Variants in ACCSL observed in about 807,000 individuals in gnomAD.
ACCSL encodes probable inactive 1-aminocyclopropane-1-carboxylate synthase-like protein 2.
Under a neutral mutation model 61.7 loss-of-function variants are expected in ACCSL, and 55 were observed. The observed-to-expected ratio is 0.89, with a 90% CI of 0.72 to 1.12. ACCSL has a LOEUF of 1.12. Ranked by LOEUF, ACCSL falls within the 50% of genes most tolerant of loss-of-function variation. The pLI is 0.00. For synonymous variants in ACCSL, 258 were observed against 264.3 expected, an observed-to-expected ratio of 0.98 and a Z score of 0.23; for missense variants, 632 against 698.0, an observed-to-expected ratio of 0.91 and a Z score of 1.07.
chr11:44,011,440 A>T, the ACCSL span, among the ~76,000 whole-genome samples: 1 of 152,234 alleles, frequency 6.6e-6, no homozygotes, highest in Admixed American at 6.5e-5. Flanking sequence ...CCCTGCACTT[A>T]GCACAAAGCA....
chr11:44,002,179 TGGCCCCAGACCACCG>T, the ACCSL span, among the ~76,000 whole-genome samples: 1 of 152,120 alleles, frequency 6.6e-6, no homozygotes, highest in East Asian at 1.9e-4. Context: ...CTGTGTTACG[TGGCCCCAGACCACCG>T]GAAAGGGCCA....
At chr11:43,981,089 G>A in the ACCSL span, among the ~76,000 whole-genome samples, 281 of 133,980 alleles carry the variant, frequency 2.1e-3, 2 homozygotes, top group African/African-American at 7.4e-3. Context: ...AAACAAGATG[G>A]GGCAGGAAAA....
At chr11:44,042,496 T>G in the ACCSL span, among the ~76,000 whole-genome samples, 1 of 151,866 alleles carries the variant, frequency 6.6e-6, no homozygotes, top group Non-Finnish European at 1.5e-5. Flanking sequence ...TTATTTTTAT[T>G]TTTTTTTGTA....
At position 44,055,953 on chromosome 11, in the gene ACCSL, C is replaced by G. The variant is rs1377032753; in HGVS notation, c.1140-87C>G. The G allele has an allele frequency of 2.6e-6, 4 of 1,516,744 alleles. No individual in the cohort carries two copies. In the African/African-American group the frequency reaches 4.1e-5, roughly 16 times the overall value. The allele number at this position is 1,516,744 out of a possible 1,614,324, so 94.0% of individuals were successfully genotyped here. On this transcript the variant is annotated intron_variant, in intron 9 of 13. Transcript: ENST00000378832. ...TATAGGCCCTTCTGTCTAGGACCAACCTCAAATCTACTTTCCCCTCTTATA... is the reference window on the plus strand; with the variant it reads ...TATAGGCCCTTCTGTCTAGGACCAAGCTCAAATCTACTTTCCCCTCTTATA...
the ACCSL span, among the ~76,000 whole-genome samples, chr11:44,026,239 A>T: frequency 6.6e-6 from 1 of 152,206 alleles, no homozygotes; most frequent in East Asian, 1.9e-4. Context: ...TGCTAAACAG[A>T]CTGGACAATC....
chr11:44,002,839 G>A, the ACCSL span, among the ~76,000 whole-genome samples: 1 of 152,164 alleles, frequency 6.6e-6, no homozygotes, highest in Non-Finnish European at 1.5e-5. Flanking sequence ...AAAAGCCCCT[G>A]GCAAGGCACC....
the ACCSL span, among the ~76,000 whole-genome samples, chr11:44,040,149 G>C: frequency 6.6e-6 from 1 of 152,210 alleles, no homozygotes; most frequent in African/African-American, 2.4e-5. Context: ...ACCCACTTCA[G>C]CTTGTTCTCA....
chr11:43,952,254 CT>C, the ACCSL span, among the ~76,000 whole-genome samples: 20 of 152,168 alleles, frequency 1.3e-4, no homozygotes, highest in South Asian at 3.5e-3. Context: ...GTTCCTGTGT[CT>C]GTCGTTCCTT....
chr11:44,015,576 C>A, the ACCSL span, among the ~76,000 whole-genome samples: 41 of 152,316 alleles, frequency 2.7e-4, no homozygotes, highest in African/African-American at 9.6e-4. Flanking sequence ...GAGTGGGGAG[C>A]AGAACCCACA....
the ACCSL span, among the ~76,000 whole-genome samples, chr11:43,998,731 C>G: frequency 6.6e-6 from 1 of 151,780 alleles, no homozygotes. Flanking sequence ...TTCATAGATT[C>G]ATTCATTATT....
the ACCSL span, among the ~76,000 whole-genome samples, chr11:43,929,468 C>T: frequency 6.6e-6 from 1 of 152,138 alleles, no homozygotes; most frequent in African/African-American, 2.4e-5. Flanking sequence ...AGTGAAGTGG[C>T]ACGATCTTGG....
At chr11:43,997,206 G>A in the ACCSL span, among the ~76,000 whole-genome samples, 3 of 151,968 alleles carry the variant, frequency 2.0e-5, no homozygotes, top group Admixed American at 6.6e-5. Flanking sequence ...TTAGAATCTC[G>A]GAGGCGTGGA....
the ACCSL span, among the ~76,000 whole-genome samples, chr11:43,936,909 C>T: frequency 1.3e-5 from 2 of 152,070 alleles, no homozygotes; most frequent in Admixed American, 1.3e-4. Context: ...TTCTAAGAGG[C>T]CCTCAGTGAG....
the ACCSL span, among the ~76,000 whole-genome samples, chr11:44,019,530 G>A: frequency 1.4e-4 from 21 of 152,118 alleles, no homozygotes; most frequent in African/African-American, 4.8e-4. Context: ...GGGCTTGTTG[G>A]CACATTTGTA....
chr11:43,969,327 C>T, the ACCSL span, among the ~76,000 whole-genome samples: 5 of 152,164 alleles, frequency 3.3e-5, no homozygotes, highest in Non-Finnish European at 5.9e-5. Context: ...CACCACTGCA[C>T]TCCAGCCTAG....
At chr11:43,972,782 T>C in the ACCSL span, among the ~76,000 whole-genome samples, 1 of 152,322 alleles carries the variant, frequency 6.6e-6, no homozygotes, top group East Asian at 1.9e-4. Flanking sequence ...ACCCAAGCAA[T>C]GACCCAGGGT....
the ACCSL span, chr11:43,945,139 C>G: frequency 6.6e-6 from 1 of 152,384 alleles, no homozygotes; most frequent in South Asian, 2.1e-4. Flanking sequence ...AGTATTTGGC[C>G]CGTGTCCCAG....
the ACCSL span, chr11:43,942,855 C>T: frequency 3.3e-6 from 4 of 1,211,638 alleles, no homozygotes; most frequent in East Asian, 1.4e-4. Flanking sequence ...CGGCCGCCCT[C>T]GGAGAGCCCC....
the ACCSL span, among the ~76,000 whole-genome samples, chr11:44,030,600 G>T: frequency 6.6e-6 from 1 of 152,018 alleles, no homozygotes; most frequent in African/African-American, 2.4e-5. Flanking sequence ...TTCAATTTTT[G>T]TGTGTCCCTT....
Sources: allele counts gnomAD v4.1 joint callset (sites outside exome capture counted in the v4.1 genomes callset), GRCh38; gene constraint gnomAD v4.1.1; transcripts MANE v1.5; gene names NCBI Gene and HGNC (gene_info 2026-07-23, HGNC 2026-07-21).